Variants in CDKN1A observed in about 807,000 individuals in gnomAD.
CDKN1A encodes the protein cyclin-dependent kinase inhibitor 1.
A neutral mutation model predicts 14.8 loss-of-function variants in CDKN1A; 14 were observed. The ratio of observed to expected loss-of-function variants is 0.94; its 90% confidence interval spans 0.62 to 1.48. The LOEUF is 1.48. Ranked by LOEUF, CDKN1A falls within the 40% of genes most tolerant of loss-of-function variation. The pLI, the probability that CDKN1A is intolerant of heterozygous loss-of-function variation, is 0.00. For synonymous variants in CDKN1A, 92 were observed against 93.5 expected (o/e 0.98, Z 0.09); for missense variants, 203 against 231.7 (o/e 0.88, Z 0.80).
chr6:36,683,649 A>G (rs1211848722), intron 1 of CDKN1A, among the ~76,000 whole-genome samples: 1 of 152,156 alleles, frequency 6.6e-6, no homozygotes, highest in Non-Finnish European at 1.5e-5. Flanking sequence ...GGCTGGAGGA[A>G]CTGTCAGACT....
At chr6:36,681,252 C>T (rs1257879726) in intron 1 of CDKN1A, among the ~76,000 whole-genome samples, 1 of 144,402 alleles carries the variant, frequency 6.9e-6, no homozygotes, top group Non-Finnish European at 1.5e-5. Context: ...TTTGAAAAAA[C>T]TCCCTAGGTG....
At chr6:36,682,400 TG>T (rs1195097301) in intron 1 of CDKN1A, among the ~76,000 whole-genome samples, 1 of 152,242 alleles carries the variant, frequency 6.6e-6, no homozygotes, top group Non-Finnish European at 1.5e-5. Flanking sequence ...GACCCCTTTA[TG>T]GGGCAGTGGC....
At chr6:36,683,820 A>T (rs1408881863) in intron 1 of CDKN1A, among the ~76,000 whole-genome samples, 2 of 152,256 alleles carry the variant, frequency 1.3e-5, no homozygotes, top group Non-Finnish European at 2.9e-5. Flanking sequence ...GGCAAACAGG[A>T]CCCTGGTCCT....
intron 1 of CDKN1A, chr6:36,680,733 C>G (rs1220972001): frequency 6.6e-6 from 1 of 152,208 alleles, no homozygotes; most frequent in East Asian, 1.9e-4. Context: ...GCCATTACCA[C>G]CCCTTCAAAG....
chr6:36,681,803 C>T (rs966568517), intron 1 of CDKN1A, among the ~76,000 whole-genome samples: 2 of 151,924 alleles, frequency 1.3e-5, no homozygotes, highest in Non-Finnish European at 2.9e-5. Context: ...ACCGTGTTAG[C>T]CAGGATGGTC....
At chr6:36,681,585 ATTTTTTT>A (rs908259380) in intron 1 of CDKN1A, among the ~76,000 whole-genome samples, 4 of 67,452 alleles carry the variant, frequency 5.9e-5, no homozygotes, top group Admixed American at 1.9e-4. Flanking sequence ...CCATGCCCAG[ATTTTTTT>A]TTTTTTTTTT....
intron 2 of CDKN1A, among the ~76,000 whole-genome samples, chr6:36,685,139 C>A (rs899395745): frequency 3.3e-5 from 5 of 152,216 alleles, no homozygotes; most frequent in African/African-American, 1.2e-4. Flanking sequence ...CATGCCCAGC[C>A]CCTTGCCATC....
chr6:36,681,267 T>TCTTTCCTTCTTTCTTTCTTC (rs1761936267), intron 1 of CDKN1A, among the ~76,000 whole-genome samples: 1 of 74,618 alleles, frequency 1.3e-5, no homozygotes, highest in South Asian at 5.4e-4. Context: ...TAGGTGCTTT[T>TCTTTCCTTCTTTCTTTCTTC]CTTTCTTTCT....
intron 2 of CDKN1A, among the ~76,000 whole-genome samples, chr6:36,685,291 T>C (rs1407801995): frequency 1.3e-5 from 2 of 152,220 alleles, no homozygotes; most frequent in Non-Finnish European, 2.9e-5. Flanking sequence ...CTGAACACTT[T>C]CATGGATTTT....
upstream of CDKN1A, chr6:36,678,275 T>C (rs1031446174): frequency 4.4e-6 from 1 of 229,398 alleles, no homozygotes; most frequent in African/African-American, 2.4e-5. This position sits in a 1 kb window ranked among gnomAD's most constrained non-coding sequence, Gnocchi z 5.7. Context: ...AATTTATGAA[T>C]TTTTATGTAT....
At position 36,686,911 on chromosome 6, in the gene CDKN1A, G is replaced by A. The variant is rs558063177; in HGVS notation, c.*1111G>A. ...ACACTGGCCCCTCAAATCGTCCAGC[G>A]ACCTTCCTCATCCACCCCATCCCTC... On this transcript the variant is annotated 3_prime_UTR_variant, in exon 3 of 3. Transcript: ENST00000244741. The surrounding 1 kb of genome is among the most constrained non-coding windows in gnomAD (Gnocchi z 4.9). 1.2e-4 allele frequency: 27 copies of A among 233,746 alleles called. No individual in the cohort carries two copies. The South Asian group carries it at 2.7e-3, about 23-fold the overall frequency. 14.5% of individuals were successfully genotyped at this position (233,746 alleles called of 1,614,324 possible). A position where few individuals can be genotyped will look rare whatever the true frequency, so the allele number is the denominator to read the frequency against.
At position 36,684,267 on chromosome 6, in the gene CDKN1A, G is replaced by A. The variant is rs753291170; in HGVS notation, c.166G>A (p.Glu56Lys). ...GCGATGGAACTTCGACTTTGTCACC[G>A]AGACACCACTGGAGGGTGACTTCGC... The part of the protein sequence containing the change: ...RERWNFDFVT[E>K]TPLEGDFAWE... Residue 56 changes from glutamate (E) to lysine (K), a missense_variant, in exon 2 of 3, where the codon GAG (glutamate) becomes AAG (lysine). By Grantham distance (56) the Glu-to-Lys change is moderately conservative. Transcript: ENST00000244741. The surrounding 1 kb of genome is among the most constrained non-coding windows in gnomAD (Gnocchi z 6.0). 1.2e-5 allele frequency: 20 copies of A among 1,612,944 alleles called. No individual in the cohort carries two copies. The highest frequency in any genetic ancestry group is 1.4e-5 in the Non-Finnish European group (17 of 1,179,984).
rs111926164 is a variant in CDKN1A at position 36,685,851 on chromosome 6, C to T, written c.*51C>T. The T allele has an allele frequency of 5.8e-4, 852 of 1,470,056 alleles. 3 individuals are homozygous for T. In the African/African-American group the frequency reaches 7.9e-3, roughly 14 times the overall value. 91.1% of individuals were successfully genotyped at this position (1,470,056 alleles called of 1,614,324 possible). ...TGGAAGCGCGAGGGCCTCAAAGGCC[C>T]GCTCTACATCTTCTGCCTTAGTCTC... On this transcript the variant is annotated 3_prime_UTR_variant, in exon 3 of 3. Transcript: ENST00000244741.
chr6:36,683,937 C>G (rs1762099116), intron 1 of CDKN1A, among the ~76,000 whole-genome samples, 160 bp from the exon 2 acceptor site: 2 of 152,186 alleles, frequency 1.3e-5, no homozygotes, highest in South Asian at 4.1e-4. Flanking sequence ...TGGTGGGGGT[C>G]AGGCCTCCTG....
rs549777937 is a variant in CDKN1A at position 36,687,311 on chromosome 6, T to C, written c.*1511T>C. 56 of 232,150 alleles carry C rather than the reference T, an allele frequency of 2.4e-4. No homozygotes were observed. Among genetic ancestry groups the C allele is most frequent in the African/African-American group, 1.2e-3 (55 of 45,400 alleles). 14.4% of individuals were successfully genotyped at this position (232,150 alleles called of 1,614,324 possible). On this transcript the variant is annotated 3_prime_UTR_variant, in exon 3 of 3. Coordinates refer to ENST00000244741, the MANE Select transcript of CDKN1A (RefSeq NM_000389.5). ...TGCTGAATATACAGCAGGTGCTCAA[T>C]AAATGATTCTTAGTGACTTTACTTG...
At chr6:36,680,028 A>G (rs1268375309) in intron 1 of CDKN1A, among the ~76,000 whole-genome samples, 1 of 152,138 alleles carries the variant, frequency 6.6e-6, no homozygotes, top group Non-Finnish European at 1.5e-5. Flanking sequence ...CGCGGACCAC[A>G]GCGCGTCCTC....
intron 1 of CDKN1A, among the ~76,000 whole-genome samples, chr6:36,681,334 T>TTTTCTTTCTTTCTC (rs1761966143): frequency 1.2e-5 from 1 of 86,058 alleles, no homozygotes; most frequent in Admixed American, 1.1e-4. Context: ...CTTTCTTTCT[T>TTTTCTTTCTTTCTC]TTTCTTTCTT....
intron 1 of CDKN1A, among the ~76,000 whole-genome samples, chr6:36,681,702 C>T (rs548889920): frequency 6.7e-6 from 1 of 149,650 alleles, no homozygotes; most frequent in East Asian, 2.0e-4. Context: ...ACGCCATTCT[C>T]CTGCCTCAGC....
At position 36,684,068 on chromosome 6, in the gene CDKN1A, C is replaced by T; in HGVS notation, c.-5-29C>T. 2 of 1,608,456 alleles carry T rather than the reference C, an allele frequency of 1.2e-6. No individual in the cohort carries two copies. Among genetic ancestry groups the T allele is most frequent in the South Asian group, 2.2e-5 (2 of 90,568 alleles). On this transcript the variant is annotated intron_variant, in intron 1 of 2. Transcript: ENST00000244741. The surrounding 1 kb of genome is among the most constrained non-coding windows in gnomAD (Gnocchi z 6.0). ...ACATAGTGTCTAATCTCCGCCGTGA[C>T]CAGGGCCTTCCTTGTATCTCTGCTG...
Sources: gnomAD v4.1 joint callset for allele counts (sites outside exome capture counted in the v4.1 genomes callset) on GRCh38, gnomAD v4.1.1 for gene constraint, Gnocchi (gnomAD v3.1) non-coding constraint, MANE v1.5 for transcripts, NCBI Gene and HGNC (gene_info 2026-07-23, HGNC 2026-07-21) for gene names.